SLC9A9: variants seen among roughly 807,000 people sequenced by gnomAD.
The protein encoded by SLC9A9 is solute carrier family 9 member A9.
SLC9A9 carries 62 observed loss-of-function variants against 77.8 expected under a neutral mutation model. The ratio of observed to expected loss-of-function variants is 0.80; its 90% CI spans 0.65 to 0.98. The LOEUF (loss-of-function observed/expected upper bound fraction) is 0.98. Ranked by LOEUF, SLC9A9 falls within the 50% of genes least tolerant of loss-of-function variation. SLC9A9 has a pLI of 0.00. For missense variants in SLC9A9, 775 were observed against 774.9 expected, an observed-to-expected ratio of 1.00 and a Z score of 0.00; for synonymous variants, 320 against 283.5, an observed-to-expected ratio of 1.13 and a Z score of -1.29.
At position 143,403,070 on chromosome 3, in the gene SLC9A9, C is replaced by T. The variant is rs1462250270; in HGVS notation, c.1470-20956G>A. Reference sequence around the variant, plus strand: ...AACCAGAAATAAGATTTAACAACATCCTTTGTGCTGTCATATATATTACAT... The same window carrying T: ...AACCAGAAATAAGATTTAACAACATTCTTTGTGCTGTCATATATATTACAT... On this transcript the variant is annotated intron_variant, in intron 12 of 15. Coordinates refer to ENST00000316549, the MANE Select transcript of SLC9A9 (RefSeq NM_173653.4). Among the ~76,000 whole-genome samples the T allele has an allele frequency of 2.6e-5, 4 of 151,928 alleles. No homozygotes were observed. The East Asian group carries it at 7.7e-4, about 29-fold the overall frequency.
chr3:143,599,717 A>G (rs1334870770), intron 6 of SLC9A9, among the ~76,000 whole-genome samples: 1 of 152,234 alleles, frequency 6.6e-6, no homozygotes, highest in Non-Finnish European at 1.5e-5. Context: ...TTAAAATGTC[A>G]TACATAAACA....
At chr3:143,480,962 A>C (rs1377130494) in intron 11 of SLC9A9, among the ~76,000 whole-genome samples, 1 of 152,196 alleles carries the variant, frequency 6.6e-6, no homozygotes, top group African/African-American at 2.4e-5. Flanking sequence ...ACTCTCAGCT[A>C]ACTCTTGTAG....
intron 6 of SLC9A9, among the ~76,000 whole-genome samples, chr3:143,651,386 G>A (rs2038791576): frequency 6.6e-6 from 1 of 152,180 alleles, no homozygotes; most frequent in African/African-American, 2.4e-5. Flanking sequence ...AGAAAAAAAA[G>A]AGTAGTGCTG....
intron 9 of SLC9A9, chr3:143,503,903 G>T (rs751577613): frequency 8.2e-6 from 3 of 367,938 alleles, no homozygotes; most frequent in South Asian, 2.2e-5. Context: ...ATCAGAGGAG[G>T]GGGCAGAGAT....
At chr3:143,304,223 T>G (rs896905323) in intron 14 of SLC9A9, among the ~76,000 whole-genome samples, 1 of 152,200 alleles carries the variant, frequency 6.6e-6, no homozygotes, top group African/African-American at 2.4e-5. Context: ...TTTCTGCCTC[T>G]CATACATAGG....
At chr3:143,446,853 G>T (rs2034852257) in intron 12 of SLC9A9, among the ~76,000 whole-genome samples, 1 of 150,106 alleles carries the variant, frequency 6.7e-6, no homozygotes, top group African/African-American at 2.5e-5. Context: ...CTTCAATATG[G>T]CTGAGATATA....
At position 143,266,165 on chromosome 3, in the gene SLC9A9, C is replaced by T. The variant is rs771482796; in HGVS notation, c.*537G>A. On this transcript the variant is annotated 3_prime_UTR_variant, in exon 16 of 16. Transcript: ENST00000316549. ...TCTGGGAAACCATCAGCAGTGGGTA[C>T]GGAACACTTCTCTGGGCTCTGCCCT... is the stretch of plus-strand genomic sequence containing the variant. 11 of 700,368 alleles carry T rather than the reference C, an allele frequency of 1.6e-5. No homozygotes were observed. Among genetic ancestry groups the T allele is most frequent in the Admixed American group, 4.0e-5 (2 of 49,882 alleles). 43.4% of individuals were successfully genotyped at this position (700,368 alleles called of 1,614,324 possible).
At chr3:143,760,724 C>G (rs1033644092) in intron 4 of SLC9A9, among the ~76,000 whole-genome samples, 1 of 152,184 alleles carries the variant, frequency 6.6e-6, no homozygotes, top group African/African-American at 2.4e-5. Flanking sequence ...ATTCCATGCT[C>G]ACGAATAGGA....
At chr3:143,432,849 A>G (rs2034546934) in intron 12 of SLC9A9, among the ~76,000 whole-genome samples, 1 of 152,184 alleles carries the variant, frequency 6.6e-6, no homozygotes, top group Non-Finnish European at 1.5e-5. Context: ...GATGGTCTTG[A>G]TCTCCTGACC....
intron 14 of SLC9A9, among the ~76,000 whole-genome samples, chr3:143,355,112 G>A (rs761889013): frequency 5.9e-5 from 9 of 152,136 alleles, no homozygotes; most frequent in Non-Finnish European, 1.2e-4. Flanking sequence ...TTAACACCCA[G>A]CTCCATCCAT....
chr3:143,713,973 A>T (rs892895095), intron 4 of SLC9A9, among the ~76,000 whole-genome samples: 4 of 152,232 alleles, frequency 2.6e-5, no homozygotes, highest in Non-Finnish European at 2.9e-5. Context: ...CTGGATACTG[A>T]TTTTGTTAAC....
chr3:143,428,801 G>A (rs1164983721), intron 12 of SLC9A9, among the ~76,000 whole-genome samples: 1 of 152,144 alleles, frequency 6.6e-6, no homozygotes, highest in African/African-American at 2.4e-5. Flanking sequence ...GAACCTGGAG[G>A]ACATTACATT....
At chr3:143,663,839 T>G (rs998641762) in intron 5 of SLC9A9, among the ~76,000 whole-genome samples, 2 of 152,154 alleles carry the variant, frequency 1.3e-5, no homozygotes, top group African/African-American at 2.4e-5. Flanking sequence ...GTGAAAAGAC[T>G]AAATCTACGT....
At chr3:143,379,395 T>C (rs972023109) in intron 13 of SLC9A9, among the ~76,000 whole-genome samples, 6 of 152,214 alleles carry the variant, frequency 3.9e-5, no homozygotes, top group African/African-American at 1.4e-4. Flanking sequence ...CTGCAGCTTG[T>C]TACCTCCCAT....
intron 13 of SLC9A9, among the ~76,000 whole-genome samples, chr3:143,375,117 G>A (rs956593078): frequency 1.3e-5 from 2 of 152,208 alleles, no homozygotes; most frequent in East Asian, 1.9e-4. Flanking sequence ...TATTGAAACA[G>A]TTGCAAGAAT....
chr3:143,612,131 CT>C (rs2038032803), intron 6 of SLC9A9, among the ~76,000 whole-genome samples: 1 of 152,162 alleles, frequency 6.6e-6, no homozygotes, highest in Admixed American at 6.5e-5. Flanking sequence ...TAGCTTGCCC[CT>C]ATAGAGGGTG....
At chr3:143,352,411 T>TAATA (rs1261328987) in intron 14 of SLC9A9, among the ~76,000 whole-genome samples, 7 of 152,222 alleles carry the variant, frequency 4.6e-5, no homozygotes, top group African/African-American at 1.7e-4. Flanking sequence ...CAGTGAAACC[T>TAATA]AATACACTGG....
intron 14 of SLC9A9, among the ~76,000 whole-genome samples, chr3:143,359,643 A>T (rs533674231): frequency 6.6e-6 from 1 of 152,202 alleles, no homozygotes; most frequent in East Asian, 1.9e-4. Context: ...CCAGACTGTG[A>T]CTTGAGCCTT....
chr3:143,366,010 A>C (rs959844573), intron 13 of SLC9A9, among the ~76,000 whole-genome samples: 4 of 152,208 alleles, frequency 2.6e-5, no homozygotes, highest in Non-Finnish European at 5.9e-5. Flanking sequence ...ATAGTGGATA[A>C]TATCTACTGA....
Sources: gnomAD v4.1 joint callset for allele counts (sites outside exome capture counted in the v4.1 genomes callset) on GRCh38, gnomAD v4.1.1 for gene constraint, MANE v1.5 for transcripts, NCBI Gene and HGNC (gene_info 2026-07-23, HGNC 2026-07-21) for gene names.